The following CEP83 variants were observed in gnomAD, a reference collection of about 807,000 sequenced individuals.
CEP83 encodes centrosomal protein 83.
In CEP83, 70 loss-of-function variants were observed where a neutral mutation model predicts 101.9. The ratio of observed to expected loss-of-function variants is 0.69; its 90% CI spans 0.57 to 0.84. CEP83 has a LOEUF of 0.84. CEP83 is among the 40% of genes least tolerant of loss of function. The probability of loss-of-function intolerance (pLI) is 0.00; values close to 1 mark genes in which losing one functional copy is unlikely to be tolerated. For missense variants in CEP83, 715 were observed against 787.2 expected, an observed-to-expected ratio of 0.91 and a Z score of 1.10; for synonymous variants, 264 against 267.9, an observed-to-expected ratio of 0.99 and a Z score of 0.14.
intron 16 of CEP83, among the ~76,000 whole-genome samples, chr12:94,309,537 C>T (rs985586947): frequency 1.3e-5 from 2 of 152,072 alleles, no homozygotes; most frequent in African/African-American, 4.8e-5. Context: ...AAGCATTTTT[C>T]GTTAGTATTA....
chr12:94,323,564 A>T (rs1292608481), intron 14 of CEP83, among the ~76,000 whole-genome samples: 1 of 152,070 alleles, frequency 6.6e-6, no homozygotes, highest in Non-Finnish European at 1.5e-5. Context: ...CAATGCGTGT[A>T]CCTGGATGCT....
At chr12:94,393,499 A>T (rs1482591786) in intron 6 of CEP83, among the ~76,000 whole-genome samples, 7 of 152,244 alleles carry the variant, frequency 4.6e-5, no homozygotes, top group Admixed American at 4.6e-4. Flanking sequence ...GCTATTTATG[A>T]CAAACCCACA....
intron 14 of CEP83, among the ~76,000 whole-genome samples, chr12:94,326,014 T>G (rs2058960113): frequency 6.6e-6 from 1 of 152,188 alleles, no homozygotes; most frequent in East Asian, 1.9e-4. Context: ...AGAGTTGAGG[T>G]CCCTAGATAG....
In CEP83 at chr12:94,312,817, T is replaced by C. The variant is rs1011518067; in HGVS notation, c.1811+97A>G. The C allele has an allele frequency of 6.9e-5, 86 of 1,248,238 alleles. No individual in the cohort carries two copies. The South Asian group carries it at 1.4e-3, about 21-fold the overall frequency. The allele number at this position is 1,248,238 out of a possible 1,614,324, so 77.3% of individuals were successfully genotyped here. ...AGCTGTTTTAGAAATCTTTAAAATG[T>C]ATATTTTAAAAGAAAAGAAGGTACG... On this transcript the variant is annotated intron_variant, in intron 15 of 16. Transcript: ENST00000397809.
rs550919852 is a variant in CEP83, at chr12:94,360,553, AG to A, written c.1343+7240del. Among the ~76,000 whole-genome samples, 14 of 152,152 alleles carry A rather than the reference AG, an allele frequency of 9.2e-5. No individual in the cohort carries two copies. The South Asian group carries it at 2.9e-3, about 32-fold the overall frequency. ...TACCTATGAATAAATTTAACAAAGG[AG>A]GTAAAAGATCTCTAAAAGGAAAACT... On this transcript the variant is annotated intron_variant, in intron 11 of 16. Transcript: ENST00000397809.
chr12:94,396,027 C>A (rs1244355564), intron 6 of CEP83, among the ~76,000 whole-genome samples: 1 of 151,926 alleles, frequency 6.6e-6, no homozygotes, highest in African/African-American at 2.4e-5. Flanking sequence ...GCTCCTCGTC[C>A]CTCCCTCTCT....
chr12:94,283,802 G>C, the CEP83 span, among the ~76,000 whole-genome samples: 1 of 152,126 alleles, frequency 6.6e-6, no homozygotes, highest in Non-Finnish European at 1.5e-5. Flanking sequence ...GCAGGGTCTG[G>C]GCCAGGCGTG....
At chr12:94,330,278 A>G (rs981296471) in intron 14 of CEP83, among the ~76,000 whole-genome samples, 4 of 149,990 alleles carry the variant, frequency 2.7e-5, no homozygotes, top group African/African-American at 7.4e-5. Flanking sequence ...TATAACACGC[A>G]CACACACACA....
chr12:94,446,435 C>T (rs1441092505), intron 1 of CEP83, among the ~76,000 whole-genome samples: 3 of 152,124 alleles, frequency 2.0e-5, no homozygotes, highest in Admixed American at 6.5e-5. Context: ...GACGGCCGGG[C>T]GTGGTGGCTC....
At position 94,369,820 on chromosome 12, in the gene CEP83, T is replaced by C; in HGVS notation, c.1048+102A>G. Reference sequence around the variant, plus strand: ...CTCCAAAATTAAAACTAAATTAAGTTGAAAATTTGGAAATAAAAATTCAGA... The same window carrying C: ...CTCCAAAATTAAAACTAAATTAAGTCGAAAATTTGGAAATAAAAATTCAGA... On this transcript the variant is annotated intron_variant, in intron 9 of 16. Transcript: ENST00000397809. 4.5e-6 allele frequency: 3 copies of C among 666,834 alleles called. No homozygotes were observed. In the South Asian group the frequency reaches 6.4e-5, roughly 14 times the overall value. 41.3% of individuals were successfully genotyped at this position (666,834 alleles called of 1,614,324 possible).
the CEP83 span, among the ~76,000 whole-genome samples, chr12:94,274,242 G>C: frequency 1.3e-5 from 2 of 151,728 alleles, no homozygotes; most frequent in African/African-American, 4.8e-5. Flanking sequence ...GGAGGCTGAG[G>C]TGGGAGGATT....
the CEP83 span, among the ~76,000 whole-genome samples, chr12:94,294,939 C>A: frequency 6.6e-6 from 1 of 152,194 alleles, no homozygotes; most frequent in Non-Finnish European, 1.5e-5. Flanking sequence ...ACAAGATAAT[C>A]CACTTAGAAG....
intron 6 of CEP83, among the ~76,000 whole-genome samples, chr12:94,394,748 G>C (rs942951354): frequency 1.3e-5 from 2 of 151,634 alleles, no homozygotes; most frequent in African/African-American, 4.8e-5. Flanking sequence ...CTAATATCCA[G>C]AATCTACAAA....
chr12:94,306,472 T>C (rs1969030184), downstream of CEP83: 1 of 152,206 alleles, frequency 6.6e-6, no homozygotes, highest in Non-Finnish European at 1.5e-5. Context: ...TTAGTGCTGA[T>C]TTTTTAATTC....
At chr12:94,336,331 C>T (rs780034735) in intron 11 of CEP83, among the ~76,000 whole-genome samples, 5 of 152,184 alleles carry the variant, frequency 3.3e-5, no homozygotes, top group Non-Finnish European at 5.9e-5. Context: ...AGACATTACA[C>T]TAATTAGGTT....
At position 94,333,614 on chromosome 12, in the gene CEP83, AC is replaced by A; in HGVS notation, c.1444del (p.Val482Ter). The A allele has an allele frequency of 6.2e-7, 1 of 1,612,994 alleles. No individual in the cohort carries two copies. The highest frequency in any genetic ancestry group is 8.5e-7 in the Non-Finnish European group (1 of 1,179,586). ...KQQISSLQIQ[V>X]TSLAQSENDL... Reference sequence around the variant, plus strand: ...ATTCTCTGACTGTGCAAGTGAAGTCACTTGGATCTGCAAACTACTGATTTGC... The same window carrying A: ...ATTCTCTGACTGTGCAAGTGAAGTCATTGGATCTGCAAACTACTGATTTGC... On this transcript the variant is annotated frameshift_variant, in exon 13 of 17. Coordinates refer to ENST00000397809, the MANE Select transcript of CEP83 (RefSeq NM_016122.3). LOFTEE classifies it high-confidence loss of function.
At chr12:94,410,152 G>A (rs768841048) in intron 4 of CEP83, among the ~76,000 whole-genome samples, 24 of 152,050 alleles carry the variant, frequency 1.6e-4, no homozygotes, top group African/African-American at 3.9e-4. Context: ...AATTTTTCAC[G>A]TCATTCATTC....
At chr12:94,354,353 T>C (rs898750581) in intron 11 of CEP83, among the ~76,000 whole-genome samples, 10 of 152,032 alleles carry the variant, frequency 6.6e-5, no homozygotes, top group African/African-American at 2.2e-4. Flanking sequence ...AATCAATTTT[T>C]TTCTGTATTT....
chr12:94,284,816 G>A, the CEP83 span, among the ~76,000 whole-genome samples: 1 of 152,170 alleles, frequency 6.6e-6, no homozygotes, highest in Non-Finnish European at 1.5e-5. Context: ...GCCTCTTCAG[G>A]AGTTCTGAGT....
Sources: gnomAD v4.1 joint callset for allele counts (sites outside exome capture counted in the v4.1 genomes callset) on GRCh38, gnomAD v4.1.1 for gene constraint, MANE v1.5 for transcripts, NCBI Gene and HGNC (gene_info 2026-07-23, HGNC 2026-07-21) for gene names.